GMDS: variants seen among roughly 807,000 people sequenced by gnomAD.
The protein encoded by GMDS is GDP-mannose 4,6-dehydratase, also known as GDP-mannose 4,6 dehydratase.
In GMDS, 20 loss-of-function variants were observed where a neutral mutation model predicts 49.9. The observed-to-expected ratio is 0.40, with a 90% CI of 0.28 to 0.58. The LOEUF (loss-of-function observed/expected upper bound fraction) is 0.58, where lower values mean the gene tolerates loss of function less well. Ranked by LOEUF, GMDS falls within the 20% of genes least tolerant of loss-of-function variation. The probability of loss-of-function intolerance (pLI) is 0.42; values close to 1 mark genes in which losing one functional copy is unlikely to be tolerated. For missense variants in GMDS, 362 were observed against 481.4 expected (o/e 0.75, Z 2.32); for synonymous variants, 177 against 178.6 (o/e 0.99, Z 0.07).
intron 7 of GMDS, among the ~76,000 whole-genome samples, chr6:1,852,835 T>G (rs1316193921): frequency 6.6e-6 from 1 of 151,676 alleles, no homozygotes; most frequent in Non-Finnish European, 1.5e-5. Flanking sequence ...GCCTCCTGAG[T>G]AGCTGGGATT....
intron 7 of GMDS, among the ~76,000 whole-genome samples, chr6:1,777,957 T>C (rs1297707526): frequency 3.3e-5 from 5 of 152,202 alleles, no homozygotes; most frequent in Non-Finnish European, 7.3e-5. Flanking sequence ...GCTGAATTCT[T>C]TCCCTAGAAA....
intron 9 of GMDS, among the ~76,000 whole-genome samples, chr6:1,630,737 C>G (rs1022949944): frequency 6.6e-6 from 1 of 152,182 alleles, no homozygotes; most frequent in Non-Finnish European, 1.5e-5. Flanking sequence ...GAATTGCAAT[C>G]GTGGAGTTAA....
At chr6:2,064,145 A>T (rs943234505) in intron 4 of GMDS, among the ~76,000 whole-genome samples, 4 of 152,214 alleles carry the variant, frequency 2.6e-5, no homozygotes, top group African/African-American at 9.6e-5. Context: ...TACAAAGAGT[A>T]GATCTCATAT....
intron 7 of GMDS, among the ~76,000 whole-genome samples, chr6:1,899,417 A>G (rs1190027898): frequency 2.0e-5 from 3 of 152,204 alleles, no homozygotes; most frequent in South Asian, 2.1e-4. Context: ...TAAGGGGACT[A>G]AAGTGAGTAG....
chr6:1,827,217 T>C (rs1409739706), intron 7 of GMDS, among the ~76,000 whole-genome samples: 2 of 151,380 alleles, frequency 1.3e-5, no homozygotes, highest in Admixed American at 1.3e-4. Context: ...ACACACTCGC[T>C]TCAAGGGATT....
chr6:1,784,575 G>A (rs1419393666), intron 7 of GMDS, among the ~76,000 whole-genome samples: 1 of 152,152 alleles, frequency 6.6e-6, no homozygotes, highest in African/African-American at 2.4e-5. Context: ...CTGGAGCTGA[G>A]AGGGATAAAA....
At chr6:1,821,611 GTTTTTTT>G (rs3039703) in intron 7 of GMDS, among the ~76,000 whole-genome samples, 20 of 109,838 alleles carry the variant, frequency 1.8e-4, no homozygotes, top group East Asian at 1.1e-3. Flanking sequence ...CAATTTATTT[GTTTTTTT>G]TTTTTTTTTT....
chr6:2,207,270 A>G (rs1779848366), intron 1 of GMDS, among the ~76,000 whole-genome samples: 1 of 151,944 alleles, frequency 6.6e-6, no homozygotes. Context: ...ACCAAGAAAC[A>G]GAAAAGCAGA....
rs200512799 is a variant in GMDS at position 2,130,818 on chromosome 6, T to TA, written c.103-6088dup. Among the ~76,000 whole-genome samples, 874 of 133,218 alleles carry TA rather than the reference T, an allele frequency of 6.6e-3. 2 individuals carry two copies. Among genetic ancestry groups the TA allele is most frequent in the Middle Eastern group, 0.018 (5 of 278 alleles). 87.4% of individuals were successfully genotyped at this position (133,218 alleles called of 152,430 possible). On this transcript the variant is annotated intron_variant, in intron 1 of 10. Transcript: ENST00000380815. ...GAAGAAATGCCCTAAAAGATTAATT[T>TA]AAAAAAAAATACTTTCCCCAATGTG... is the stretch of plus-strand genomic sequence containing the variant.
intron 7 of GMDS, among the ~76,000 whole-genome samples, chr6:1,799,760 C>A (rs1312040456): frequency 6.6e-6 from 1 of 152,144 alleles, no homozygotes; most frequent in Non-Finnish European, 1.5e-5. Flanking sequence ...CACTAACACA[C>A]ATTGTTGATT....
chr6:1,664,420 G>A (rs761598794), intron 9 of GMDS, among the ~76,000 whole-genome samples: 64 of 152,284 alleles, frequency 4.2e-4, no homozygotes, highest in Admixed American at 2.9e-3. Context: ...CAACTTCATC[G>A]TTCACTCACA....
chr6:1,730,642 C>T (rs1223842150), intron 8 of GMDS, among the ~76,000 whole-genome samples: 2 of 152,054 alleles, frequency 1.3e-5, no homozygotes, highest in African/African-American at 4.8e-5. Context: ...AATACTGAGG[C>T]CCACCACACA....
chr6:1,775,199 T>C (rs931855418), intron 7 of GMDS, among the ~76,000 whole-genome samples: 1 of 152,196 alleles, frequency 6.6e-6, no homozygotes, highest in Admixed American at 6.5e-5. Flanking sequence ...ATGGACAACC[T>C]TGGTAAGACC....
intron 1 of GMDS, among the ~76,000 whole-genome samples, chr6:2,192,207 G>T (rs1779054011): frequency 6.6e-6 from 1 of 151,942 alleles, no homozygotes; most frequent in Non-Finnish European, 1.5e-5. Context: ...ACACTTGTTG[G>T]GATGACCAGC....
At chr6:2,213,736 GGGGTCTATGAGAATAGGA>G (rs1780181132) in intron 1 of GMDS, among the ~76,000 whole-genome samples, 1 of 152,100 alleles carries the variant, frequency 6.6e-6, no homozygotes, top group African/African-American at 2.4e-5. Flanking sequence ...AAAGCACAGT[GGGGTCTATGAGAATAGGA>G]GGACGAAGGC....
At chr6:1,643,052 C>T (rs1199934554) in intron 9 of GMDS, among the ~76,000 whole-genome samples, 2 of 152,216 alleles carry the variant, frequency 1.3e-5, no homozygotes, top group Admixed American at 1.3e-4. Flanking sequence ...CCGGTCCATA[C>T]TTCCTTTTAT....
chr6:2,170,706 T>TA (rs1302014824), intron 1 of GMDS, among the ~76,000 whole-genome samples: 1 of 151,522 alleles, frequency 6.6e-6, no homozygotes, highest in Non-Finnish European at 1.5e-5. Context: ...GTTAAAACTC[T>TA]AAAAACAGGC....
At chr6:2,202,433 CTAT>C (rs1166089716) in intron 1 of GMDS, among the ~76,000 whole-genome samples, 371 of 147,690 alleles carry the variant, frequency 2.5e-3, no homozygotes, top group East Asian at 3.8e-3. Context: ...CAATTTCTTT[CTAT>C]TTTTTTTTTT....
chr6:2,006,819 TATACGAAGTTTTGCAAACAC>T (rs2127388882), intron 4 of GMDS, among the ~76,000 whole-genome samples: 1 of 152,178 alleles, frequency 6.6e-6, no homozygotes, highest in South Asian at 2.1e-4. Context: ...GAATACAAAA[TATACGAAGTTTTGCAAACAC>T]AGTGTTCAAA....
Sources: allele counts gnomAD v4.1 joint callset (sites outside exome capture counted in the v4.1 genomes callset), GRCh38; gene constraint gnomAD v4.1.1; transcripts MANE v1.5; gene names NCBI Gene and HGNC (gene_info 2026-07-23, HGNC 2026-07-21).